Variants in RALYL observed in about 807,000 individuals in gnomAD.
RALYL encodes the protein RNA-binding Raly-like protein.
Under a neutral mutation model 35.1 loss-of-function variants are expected in RALYL, and 29 were observed. That is an observed-to-expected ratio of 0.83 (90% CI 0.61 to 1.13). The LOEUF is 1.13. Among genes scored for constraint, RALYL ranks in the 50% most tolerant of loss-of-function variants. The pLI is 0.00. For missense variants in RALYL, 359 were observed against 360.4 expected (o/e 1.00, Z 0.03); for synonymous variants, 120 against 127.6 (o/e 0.94, Z 0.40).
intron 1 of RALYL, among the ~76,000 whole-genome samples, chr8:84,262,761 A>G (rs1279537994): frequency 6.6e-6 from 1 of 152,156 alleles, no homozygotes; most frequent in Non-Finnish European, 1.5e-5. Context: ...ATTACCAAAA[A>G]GGAATCAAAT....
At chr8:84,352,034 C>T (rs372513012) in intron 1 of RALYL, among the ~76,000 whole-genome samples, 3 of 150,154 alleles carry the variant, frequency 2.0e-5, no homozygotes, top group African/African-American at 2.5e-5. Context: ...ACATTGGAGA[C>T]GAAGCTGCAG....
rs1554651672 is a variant in RALYL, at chr8:84,914,581, A to ATATT, written c.859-6311_859-6310insTTTA. Among the ~76,000 whole-genome samples, 835 of 152,112 alleles carry ATATT rather than the reference A, an allele frequency of 5.5e-3. 7 individuals carry two copies. Among genetic ancestry groups the ATATT allele is most frequent in the African/African-American group, 0.019 (798 of 41,518 alleles). On this transcript the variant is annotated intron_variant, in intron 8 of 8. Coordinates refer to ENST00000521268, the MANE Select transcript of RALYL (RefSeq NM_173848.7). ...CAAGCAATGTGACTAAATTTTTTGA[A>ATATT]TAATTAAATTTTTACACATTTTAAA...
At chr8:84,363,470 A>G (rs1853520854) in intron 1 of RALYL, among the ~76,000 whole-genome samples, 1 of 152,148 alleles carries the variant, frequency 6.6e-6, no homozygotes, top group East Asian at 1.9e-4. Flanking sequence ...CCTTCCATAA[A>G]CAGTGCATAT....
At chr8:84,526,703 G>C (rs1355555283) in intron 1 of RALYL, among the ~76,000 whole-genome samples, 1 of 152,152 alleles carries the variant, frequency 6.6e-6, no homozygotes, top group East Asian at 1.9e-4. Flanking sequence ...CAGATGCTCT[G>C]AACTCTGATC....
At chr8:84,650,923 G>A (rs1828658210) in intron 2 of RALYL, among the ~76,000 whole-genome samples, 1 of 152,112 alleles carries the variant, frequency 6.6e-6, no homozygotes, top group African/African-American at 2.4e-5. Flanking sequence ...CCTTTGTAGG[G>A]ACGTGGATGA....
At chr8:84,690,273 G>A (rs961136275) in intron 2 of RALYL, among the ~76,000 whole-genome samples, 8 of 152,092 alleles carry the variant, frequency 5.3e-5, no homozygotes, top group Non-Finnish European at 1.0e-4. Flanking sequence ...TTAAATAAGC[G>A]AGGCACAGAA....
chr8:84,853,050 T>C (rs896290751), intron 5 of RALYL, among the ~76,000 whole-genome samples: 6 of 152,216 alleles, frequency 3.9e-5, no homozygotes, highest in African/African-American at 1.4e-4. Context: ...TCTGAAGATA[T>C]GGAGATATCA....
At chr8:84,826,291 T>TG (rs1385166325) in intron 4 of RALYL, among the ~76,000 whole-genome samples, 2 of 88,760 alleles carry the variant, frequency 2.3e-5, no homozygotes, top group Admixed American at 1.3e-4. Flanking sequence ...CCCCTGAATC[T>TG]GAAAAAAAAA....
chr8:84,562,664 C>G (rs1157488250), intron 2 of RALYL, among the ~76,000 whole-genome samples: 4 of 129,930 alleles, frequency 3.1e-5, no homozygotes, highest in East Asian at 4.1e-4. Flanking sequence ...AAAATCACTA[C>G]TAACTAACAA....
At chr8:84,804,066 A>C (rs1356158772) in intron 3 of RALYL, among the ~76,000 whole-genome samples, 1 of 152,230 alleles carries the variant, frequency 6.6e-6, no homozygotes, top group Non-Finnish European at 1.5e-5. Context: ...GTTGTAAAAA[A>C]AATGGAAAGT....
At chr8:84,386,082 T>C (rs986495065) in intron 1 of RALYL, among the ~76,000 whole-genome samples, 7 of 151,848 alleles carry the variant, frequency 4.6e-5, no homozygotes, top group Non-Finnish European at 8.8e-5. Context: ...CTGGGTCTTT[T>C]CTGATACTTG....
chr8:84,426,065 AATTT>A (rs1422555810), intron 1 of RALYL, among the ~76,000 whole-genome samples: 14 of 152,184 alleles, frequency 9.2e-5, no homozygotes, highest in Non-Finnish European at 7.3e-5. Flanking sequence ...TGTTTTTACT[AATTT>A]ATTTATTTAA....
chr8:84,834,475 G>T (rs1586642189), intron 4 of RALYL, among the ~76,000 whole-genome samples: 2 of 152,180 alleles, frequency 1.3e-5, no homozygotes, highest in East Asian at 3.9e-4. Flanking sequence ...AGATGCCCAT[G>T]GTTATCACTG....
At chr8:84,870,114 C>T (rs1382111649) in intron 6 of RALYL, among the ~76,000 whole-genome samples, 1 of 151,968 alleles carries the variant, frequency 6.6e-6, no homozygotes, top group African/African-American at 2.4e-5. Flanking sequence ...GTCCTAGGAA[C>T]TTTGTAATTT....
At chr8:84,360,924 T>C (rs904264008) in intron 1 of RALYL, among the ~76,000 whole-genome samples, 3 of 138,468 alleles carry the variant, frequency 2.2e-5, no homozygotes, top group Non-Finnish European at 4.7e-5. Context: ...AGGCCCAAAA[T>C]ATTACCTTAC....
chr8:84,668,299 G>C (rs915289751), intron 2 of RALYL, among the ~76,000 whole-genome samples: 1 of 152,136 alleles, frequency 6.6e-6, no homozygotes, highest in Non-Finnish European at 1.5e-5. Flanking sequence ...CCCAGAACAA[G>C]AAAGTAATAA....
intron 1 of RALYL, among the ~76,000 whole-genome samples, chr8:84,425,783 CTGTGTGTGTGTGTGTGTGTGTGTG>C (rs1554662152): frequency 6.9e-6 from 1 of 144,508 alleles, no homozygotes; most frequent in Non-Finnish European, 1.5e-5. Flanking sequence ...AGTTTTTCTT[CTGTGTGTGTGTGTGTGTGTGTGTG>C]TGTGTGTGTG....
intron 2 of RALYL, among the ~76,000 whole-genome samples, chr8:84,668,064 C>T (rs893789812): frequency 1.3e-5 from 2 of 152,062 alleles, no homozygotes; most frequent in Non-Finnish European, 2.9e-5. Flanking sequence ...TTCTCCATGG[C>T]TTACCTCCTT....
At chr8:84,301,947 T>C (rs941006732) in intron 1 of RALYL, among the ~76,000 whole-genome samples, 1 of 152,154 alleles carries the variant, frequency 6.6e-6, no homozygotes, top group Non-Finnish European at 1.5e-5. Flanking sequence ...TAGAGGATTT[T>C]CATTTCTTCA....
Sources: gnomAD v4.1 joint callset for allele counts (sites outside exome capture counted in the v4.1 genomes callset) on GRCh38, gnomAD v4.1.1 for gene constraint, MANE v1.5 for transcripts, NCBI Gene and HGNC (gene_info 2026-07-23, HGNC 2026-07-21) for gene names.